MUCL1: variants seen among roughly 807,000 people sequenced by gnomAD.
MUCL1 encodes mucin like 1, also known as mucin-like protein 1.
MUCL1 carries 11 observed loss-of-function variants against 9.2 expected under a neutral mutation model. The observed-to-expected ratio is 1.19, with a 90% CI of 0.75 to 1.97. The LOEUF is 1.97. MUCL1 is among the 30% of genes most tolerant of loss of function. The pLI is 0.00. For missense variants in MUCL1, 144 were observed against 110.9 expected, an observed-to-expected ratio of 1.30 and a Z score of -1.34; for synonymous variants, 48 against 40.5, an observed-to-expected ratio of 1.19 and a Z score of -0.71.
intron 1 of MUCL1, among the ~76,000 whole-genome samples, chr12:54,842,570 A>T (rs765521007): frequency 2.6e-5 from 4 of 152,106 alleles, no homozygotes; most frequent in South Asian, 2.1e-4. Context: ...CCATAAATAC[A>T]CAAATACGTA....
chr12:54,838,795 T>C (rs1959198372), upstream of MUCL1, among the ~76,000 whole-genome samples: 1 of 152,142 alleles, frequency 6.6e-6, no homozygotes, highest in African/African-American at 2.4e-5. Flanking sequence ...TTAAGATATC[T>C]ATCTCTTTAG....
At chr12:54,839,407 G>A in exon 1 of MUCL1, 1 of 702,058 alleles carries the variant, frequency 1.4e-6, no homozygotes, top group South Asian at 1.5e-5. Flanking sequence ...TGGCCAGTAT[G>A]GGAGGTGACC....
chr12:54,849,271 A>G (rs1959302016), intron 1 of MUCL1, among the ~76,000 whole-genome samples: 1 of 152,130 alleles, frequency 6.6e-6, no homozygotes, highest in Non-Finnish European at 1.5e-5. Context: ...GCTTTTTGGT[A>G]TTGATGATAG....
chr12:54,856,784 G>T lies in MUCL1; in HGVS notation c.115G>T (p.Asp39Tyr), dbSNP rs1206745329. 2 of 1,612,544 alleles carry T rather than the reference G, an allele frequency of 1.2e-6. No homozygotes were observed. The highest frequency in any genetic ancestry group is 1.7e-6 in the Non-Finnish European group (2 of 1,179,266). The change falls in exon 3 of 4, where the codon GAT (aspartate) becomes TAT (tyrosine). Residue 39 changes from aspartate to tyrosine, a missense_variant. Asp to Tyr is a radical substitution (Grantham distance 160). Coordinates refer to ENST00000308796, the MANE Select transcript of MUCL1 (RefSeq NM_058173.3). ...DTYPATGPAD[D>Y]EAPDAETTAA... ...TCTAATTTCAGCTGGTCCTGCTGAT[G>T]ATGAAGCCCCTGATGCTGAAACCAC... is the stretch of plus-strand genomic sequence containing the variant.
chr12:54,840,875 C>T (rs975685536), intron 1 of MUCL1, among the ~76,000 whole-genome samples: 2 of 152,212 alleles, frequency 1.3e-5, no homozygotes, highest in African/African-American at 4.8e-5. Context: ...CAGTATTCCA[C>T]TAGTAGCAGC....
chr12:54,834,783 G>A (rs927935464), upstream of MUCL1, among the ~76,000 whole-genome samples: 1 of 151,894 alleles, frequency 6.6e-6, no homozygotes, highest in Non-Finnish European at 1.5e-5. Flanking sequence ...GGGTAAAAGT[G>A]GTTTTTGGTT....
chr12:54,850,954 T>G (rs1473695229), upstream of MUCL1, among the ~76,000 whole-genome samples: 3 of 152,246 alleles, frequency 2.0e-5, no homozygotes, highest in Admixed American at 6.5e-5. Context: ...TGCATAAATG[T>G]CTTCTTTTGA....
intron 1 of MUCL1, chr12:54,839,518 G>A (rs1363917513): frequency 1.7e-5 from 12 of 700,440 alleles, no homozygotes; most frequent in Non-Finnish European, 2.6e-6. Context: ...GGAGGTCTCA[G>A]TGAAATGCAC....
chr12:54,835,913 G>C (rs1354576791), upstream of MUCL1, among the ~76,000 whole-genome samples: 1 of 152,124 alleles, frequency 6.6e-6, no homozygotes, highest in Non-Finnish European at 1.5e-5. Flanking sequence ...AACCATCCCT[G>C]CATCCCTGGG....
intron 1 of MUCL1, among the ~76,000 whole-genome samples, chr12:54,846,539 G>T (rs1026002188): frequency 1.6e-4 from 25 of 152,188 alleles, no homozygotes; most frequent in African/African-American, 5.8e-4. Context: ...TTCAACATTA[G>T]TGGGAAAAAG....
chr12:54,836,372 T>G (rs187904273), upstream of MUCL1, among the ~76,000 whole-genome samples: 2 of 152,304 alleles, frequency 1.3e-5, no homozygotes, highest in East Asian at 3.9e-4. Flanking sequence ...ATTTTCTAGT[T>G]GTGTACATAG....
At chr12:54,834,074 T>C (rs760644392) in intron 1 of MUCL1, among the ~76,000 whole-genome samples, 1 of 152,162 alleles carries the variant, frequency 6.6e-6, no homozygotes, top group Non-Finnish European at 1.5e-5. Flanking sequence ...AGCTTTTATA[T>C]TCATTGTAGT....
upstream of MUCL1, among the ~76,000 whole-genome samples, chr12:54,853,632 C>T (rs1868272366): frequency 6.6e-6 from 1 of 152,084 alleles, no homozygotes; most frequent in Admixed American, 6.5e-5. Flanking sequence ...CCCCATTTTC[C>T]ATCTCTAAAC....
At chr12:54,858,126 C>T (rs375464814) in intron 3 of MUCL1, 67 bp from the exon 4 acceptor site, 1 of 1,585,866 alleles carries the variant, frequency 6.3e-7, no homozygotes. Context: ...CCTTCAGATT[C>T]TGAAGAATAA....
chr12:54,857,278 G>A (rs1402739595), intron 3 of MUCL1, among the ~76,000 whole-genome samples: 2 of 146,640 alleles, frequency 1.4e-5, no homozygotes, highest in African/African-American at 5.1e-5. Context: ...GTTTAAATCA[G>A]GCAATTTAAA....
chr12:54,847,631 CA>C (rs1438063420), intron 1 of MUCL1, among the ~76,000 whole-genome samples: 1 of 151,894 alleles, frequency 6.6e-6, no homozygotes, highest in Non-Finnish European at 1.5e-5. Context: ...AACAAAACAA[CA>C]AAACAAAACA....
chr12:54,851,634 A>G (rs1316134184), upstream of MUCL1, among the ~76,000 whole-genome samples: 5 of 152,190 alleles, frequency 3.3e-5, no homozygotes, highest in East Asian at 9.6e-4. Flanking sequence ...CTCCTATTCA[A>G]CGTAGTGTTG....
chr12:54,844,139 T>C (rs1162247111), intron 1 of MUCL1, among the ~76,000 whole-genome samples: 2 of 152,194 alleles, frequency 1.3e-5, no homozygotes, highest in East Asian at 1.9e-4. Context: ...ATATTAGAAG[T>C]CTTCCATCAT....
Position 54,856,828 on chromosome 12 carries a change from A to ACCACTGCTGCTCCTACCACTGCG in MUCL1, c.159_160insCCACTGCTGCTCCTACCACTGCG (p.Thr54ProfsTer51), listed in dbSNP as rs773483623. 2 of 1,613,656 alleles carry ACCACTGCTGCTCCTACCACTGCG rather than the reference A, an allele frequency of 1.2e-6. No individual in the cohort carries two copies. Among genetic ancestry groups the ACCACTGCTGCTCCTACCACTGCG allele is most frequent in the South Asian group, 2.2e-5 (2 of 91,054 alleles). ...AAACCACTGCTGCTGCAACCACTGC[A>ACCACTGCTGCTCCTACCACTGCG]ACCACTGCTGCTCCTACCACTGCAA... On this transcript the variant is annotated frameshift_variant, in exon 3 of 4. Coordinates refer to ENST00000308796, the MANE Select transcript of MUCL1 (RefSeq NM_058173.3). LOFTEE classifies it high-confidence loss of function.
Sources: allele counts gnomAD v4.1 joint callset (sites outside exome capture counted in the v4.1 genomes callset), GRCh38; gene constraint gnomAD v4.1.1; transcripts MANE v1.5; gene names NCBI Gene and HGNC (gene_info 2026-07-23, HGNC 2026-07-21).